The following PITPNC1 variants were observed in gnomAD, a reference collection of about 807,000 sequenced individuals.
PITPNC1 encodes the protein phosphatidylinositol transfer protein cytoplasmic 1.
Under a neutral mutation model 44.7 loss-of-function variants are expected in PITPNC1, and 18 were observed. That is an observed-to-expected ratio of 0.40 (90% CI 0.28 to 0.60). The LOEUF is 0.60. PITPNC1 is among the 20% of genes least tolerant of loss of function. The pLI, the probability that PITPNC1 is intolerant of heterozygous loss-of-function variation, is 0.39. For synonymous variants in PITPNC1, 141 were observed against 149.6 expected, an observed-to-expected ratio of 0.94 and a Z score of 0.42; for missense variants, 290 against 418.4, an observed-to-expected ratio of 0.69 and a Z score of 2.68.
At chr17:67,653,274 GA>G (rs1465497301) in intron 6 of PITPNC1, among the ~76,000 whole-genome samples, 2 of 151,508 alleles carry the variant, frequency 1.3e-5, no homozygotes, top group African/African-American at 2.4e-5. Flanking sequence ...CTGTCTAAAA[GA>G]AAAAAAAGGT....
At position 67,415,244 on chromosome 17, in the gene PITPNC1, A is replaced by G. The variant is rs149020170; in HGVS notation, c.48+37042A>G. Among the ~76,000 whole-genome samples, 459 of 151,682 alleles carry G rather than the reference A, an allele frequency of 3.0e-3. 4 individuals are homozygous for G. Among genetic ancestry groups the G allele is most frequent in the African/African-American group, 0.011 (446 of 41,308 alleles). On this transcript the variant is annotated intron_variant, in intron 1 of 8. Transcript: ENST00000581322. ...CATCTACTGTTGTCAAATTCTACCT[A>G]CCCTTCAGGGTCCAACTGAAATGCC...
chr17:67,668,848 C>G (rs1005267485), intron 6 of PITPNC1, among the ~76,000 whole-genome samples: 1 of 150,966 alleles, frequency 6.6e-6, no homozygotes, highest in Non-Finnish European at 1.5e-5. Flanking sequence ...GGCGACAGAG[C>G]GAGACTCCAT....
At chr17:67,457,065 GC>G (rs1474938277) in intron 1 of PITPNC1, 1 of 151,948 alleles carries the variant, frequency 6.6e-6, no homozygotes, top group African/African-American at 2.4e-5. Context: ...GAGTGCAGTG[GC>G]CACTACTGAT....
chr17:67,632,572 T>C (rs2041984787), intron 6 of PITPNC1, among the ~76,000 whole-genome samples: 1 of 150,724 alleles, frequency 6.6e-6, no homozygotes, highest in Non-Finnish European at 1.5e-5. Flanking sequence ...ATGCGCTCTT[T>C]TTTTTTTTTT....
rs1390922688 is a variant in PITPNC1, at chr17:67,619,672, A to G, written c.367-12471A>G. On this transcript the variant is annotated intron_variant, in intron 5 of 8. Transcript: ENST00000581322. ...CTCCACCCCACCTTCATCTCTGATCAAAGCTTTTCCACCATCAGGTGCTCC... is the reference window on the plus strand; with the variant it reads ...CTCCACCCCACCTTCATCTCTGATCGAAGCTTTTCCACCATCAGGTGCTCC... Among the ~76,000 whole-genome samples, 3 of 152,054 alleles carry G rather than the reference A, an allele frequency of 2.0e-5. No individual in the cohort carries two copies. In the East Asian group the frequency reaches 5.8e-4, roughly 29 times the overall value.
At chr17:67,689,975 T>A (rs945748235) in intron 8 of PITPNC1, among the ~76,000 whole-genome samples, 4 of 152,204 alleles carry the variant, frequency 2.6e-5, no homozygotes, top group Non-Finnish European at 4.4e-5. Context: ...ATTGGTAAGT[T>A]TATAGGTACA....
intron 1 of PITPNC1, among the ~76,000 whole-genome samples, chr17:67,451,361 A>G (rs2039172820): frequency 1.3e-5 from 2 of 152,018 alleles, no homozygotes; most frequent in South Asian, 4.1e-4. Flanking sequence ...TGATAAACTC[A>G]CCTATCTTAA....
At chr17:67,638,045 T>C (rs1306847077) in intron 6 of PITPNC1, 1 of 152,210 alleles carries the variant, frequency 6.6e-6, no homozygotes, top group African/African-American at 2.4e-5. Flanking sequence ...AGCCAAAAGC[T>C]GAGCAGGTTG....
intron 1 of PITPNC1, among the ~76,000 whole-genome samples, chr17:67,520,242 G>C (rs780646035): frequency 6.6e-6 from 1 of 152,138 alleles, no homozygotes. Context: ...CCTCTCTGCT[G>C]CGAACATCTC....
chr17:67,522,020 C>T (rs191385557), intron 1 of PITPNC1, among the ~76,000 whole-genome samples: 517 of 152,180 alleles, frequency 3.4e-3, no homozygotes, highest in Non-Finnish European at 6.2e-3. Context: ...AAAGACCTCT[C>T]GGGCTGGGCA....
At chr17:67,640,862 T>C (rs2042085698) in intron 6 of PITPNC1, among the ~76,000 whole-genome samples, 1 of 149,016 alleles carries the variant, frequency 6.7e-6, no homozygotes, top group Non-Finnish European at 1.5e-5. Context: ...TGGTGGCACA[T>C]GCCTGTAACC....
chr17:67,455,806 T>C (rs1414857127), intron 1 of PITPNC1, among the ~76,000 whole-genome samples: 1 of 152,134 alleles, frequency 6.6e-6, no homozygotes, highest in Admixed American at 6.6e-5. Context: ...AGTTGTATAG[T>C]TAGTCATTCC....
intron 6 of PITPNC1, among the ~76,000 whole-genome samples, chr17:67,636,036 C>T (rs955115372): frequency 3.9e-5 from 6 of 152,096 alleles, no homozygotes; most frequent in East Asian, 1.9e-4. Flanking sequence ...CGGTGGCTCA[C>T]GCCTATAATC....
intron 4 of PITPNC1, among the ~76,000 whole-genome samples, chr17:67,577,282 C>G (rs1415869000): frequency 6.6e-6 from 1 of 151,708 alleles, no homozygotes; most frequent in East Asian, 1.9e-4. Context: ...CAAAGTAAGA[C>G]TCTGTCTCAA....
intron 5 of PITPNC1, among the ~76,000 whole-genome samples, chr17:67,631,657 A>ATATATATATATATATATAT (rs10524740): frequency 2.6e-4 from 2 of 7,678 alleles, no homozygotes; most frequent in Non-Finnish European, 5.9e-4. Context: ...AAAAAAAAAA[A>ATATATATATATATATATAT]ATATATATAT....
At chr17:67,398,253 T>C (rs1414528961) in intron 1 of PITPNC1, among the ~76,000 whole-genome samples, 1 of 152,146 alleles carries the variant, frequency 6.6e-6, no homozygotes, top group Non-Finnish European at 1.5e-5. Context: ...AATCAACACA[T>C]TTTTGCCAAT....
chr17:67,596,549 C>T (rs1381352006), intron 5 of PITPNC1, among the ~76,000 whole-genome samples: 2 of 152,062 alleles, frequency 1.3e-5, no homozygotes, highest in Non-Finnish European at 2.9e-5. Flanking sequence ...CTCGCTCTGT[C>T]GTCCAGGCTG....
chr17:67,585,727 C>G (rs2041305378), intron 5 of PITPNC1, among the ~76,000 whole-genome samples: 1 of 152,166 alleles, frequency 6.6e-6, no homozygotes, highest in Non-Finnish European at 1.5e-5. Flanking sequence ...ATCACTTGAA[C>G]CCAGGAAGCA....
intron 1 of PITPNC1, among the ~76,000 whole-genome samples, chr17:67,401,556 A>G (rs1381837327): frequency 6.6e-6 from 1 of 152,138 alleles, no homozygotes; most frequent in Admixed American, 6.5e-5. Context: ...AAAGAAATCT[A>G]TAATGTTGGC....
Sources: gnomAD v4.1 joint callset for allele counts (sites outside exome capture counted in the v4.1 genomes callset) on GRCh38, gnomAD v4.1.1 for gene constraint, MANE v1.5 for transcripts, NCBI Gene and HGNC (gene_info 2026-07-23, HGNC 2026-07-21) for gene names.